Variants in DOCK4 observed in about 807,000 individuals in gnomAD.
DOCK4 encodes the protein dedicator of cytokinesis protein 4.
In DOCK4, 97 loss-of-function variants were observed where a neutral mutation model predicts 268.1. The ratio of observed to expected loss-of-function variants is 0.36; its 90% CI spans 0.31 to 0.43. DOCK4 has a LOEUF of 0.43. Among genes scored for constraint, DOCK4 ranks in the 20% least tolerant of loss-of-function variants. DOCK4 has a pLI of 1.00. For synonymous variants in DOCK4, 954 were observed against 887.2 expected, an observed-to-expected ratio of 1.08 and a Z score of -1.34; for missense variants, 2,145 against 2,455.7, an observed-to-expected ratio of 0.87 and a Z score of 2.67.
intron 8 of DOCK4, among the ~76,000 whole-genome samples, chr7:111,976,218 G>A (rs1798173264): frequency 9.5e-6 from 1 of 105,446 alleles, no homozygotes; most frequent in Non-Finnish European, 1.9e-5. Context: ...GTGTGTGTGT[G>A]TGTGCGTGTG....
chr7:111,732,657 G>T, intron 51 of DOCK4: 1 of 213,754 alleles, frequency 4.7e-6, no homozygotes, highest in South Asian at 8.5e-5. Context: ...AGCAGTTCTT[G>T]GGGAACAGCT....
chr7:111,759,382 A>C (rs1585896685), intron 40 of DOCK4, among the ~76,000 whole-genome samples: 1 of 152,186 alleles, frequency 6.6e-6, no homozygotes, highest in South Asian at 2.1e-4. Flanking sequence ...ATATTTTTAA[A>C]AATTACATTA....
intron 7 of DOCK4, among the ~76,000 whole-genome samples, chr7:111,979,573 C>A (rs772133108): frequency 6.6e-6 from 1 of 151,882 alleles, no homozygotes; most frequent in South Asian, 2.1e-4. Context: ...CCCTCCACCC[C>A]GCCAGAACTG....
At chr7:112,088,466 C>T (rs1157892094) in intron 1 of DOCK4, among the ~76,000 whole-genome samples, 1 of 152,094 alleles carries the variant, frequency 6.6e-6, no homozygotes, top group Non-Finnish European at 1.5e-5. Flanking sequence ...TATATACATA[C>T]ACATAGAAAC....
At chr7:112,079,491 C>T (rs1201109473) in intron 1 of DOCK4, among the ~76,000 whole-genome samples, 1 of 152,150 alleles carries the variant, frequency 6.6e-6, no homozygotes, top group Non-Finnish European at 1.5e-5. Context: ...ATTATATGAT[C>T]TATGAAGTAT....
intron 23 of DOCK4, among the ~76,000 whole-genome samples, chr7:111,854,521 G>A (rs1466179206): frequency 6.6e-6 from 1 of 152,144 alleles, no homozygotes; most frequent in Admixed American, 6.5e-5. Context: ...TCTTTAACTC[G>A]GTGTCTGAGG....
chr7:112,057,844 TA>T (rs1237201253), intron 1 of DOCK4, among the ~76,000 whole-genome samples: 1 of 151,744 alleles, frequency 6.6e-6, no homozygotes, highest in Non-Finnish European at 1.5e-5. Context: ...TAAAAGTACA[TA>T]ATCATATTTA....
chr7:111,887,284 A>G lies in DOCK4; in HGVS notation c.1587+8328T>C, dbSNP rs546068120. Among the ~76,000 whole-genome samples the G allele has an allele frequency of 6.7e-4, 102 of 152,192 alleles. 1 individual carries two copies. Among genetic ancestry groups the G allele is most frequent in the Non-Finnish European group, 1.3e-3 (87 of 68,030 alleles). On this transcript the variant is annotated intron_variant, in intron 16 of 52. Coordinates refer to ENST00000428084, the MANE Select transcript of DOCK4 (RefSeq NM_001363540.2). Reference sequence around the variant, plus strand: ...GTGTGCAGTGTCTTTGGGAAGACCAACTGAAGATGTTCAGTAGGCTGGTAA... The same window carrying G: ...GTGTGCAGTGTCTTTGGGAAGACCAGCTGAAGATGTTCAGTAGGCTGGTAA...
intron 1 of DOCK4, among the ~76,000 whole-genome samples, chr7:112,074,292 T>G (rs936085715): frequency 6.6e-6 from 1 of 152,186 alleles, no homozygotes; most frequent in Non-Finnish European, 1.5e-5. Flanking sequence ...ACAGGTTAGA[T>G]TTTTTACTGT....
chr7:112,132,776 C>T (rs1445316484), intron 1 of DOCK4, among the ~76,000 whole-genome samples: 1 of 152,170 alleles, frequency 6.6e-6, no homozygotes, highest in Non-Finnish European at 1.5e-5. Context: ...GGGCAGAATA[C>T]TCTCTGGCCT....
chr7:111,728,954 G>C (rs973922516), intron 52 of DOCK4, among the ~76,000 whole-genome samples: 3 of 152,182 alleles, frequency 2.0e-5, no homozygotes, highest in Non-Finnish European at 4.4e-5. Context: ...GGAGACGTCA[G>C]GAATGCGACA....
chr7:112,074,139 G>A (rs897555172), intron 1 of DOCK4, among the ~76,000 whole-genome samples: 1 of 152,074 alleles, frequency 6.6e-6, no homozygotes, highest in Non-Finnish European at 1.5e-5. Flanking sequence ...TGACTTTCAC[G>A]TTAAAAATAA....
chr7:112,098,880 T>C (rs1052795356), intron 1 of DOCK4, among the ~76,000 whole-genome samples: 2 of 151,942 alleles, frequency 1.3e-5, no homozygotes, highest in African/African-American at 4.8e-5. Context: ...AATGAACATA[T>C]ACTGATTTTT....
chr7:111,844,933 G>T lies in DOCK4; in HGVS notation c.2602-36C>A, dbSNP rs756372174. 1.9e-6 allele frequency: 3 copies of T among 1,580,154 alleles called. No individual in the cohort carries two copies. The Middle Eastern group carries it at 5.6e-4, about 293-fold the overall frequency. On this transcript the variant is annotated intron_variant, in intron 24 of 52. Coordinates refer to ENST00000428084, the MANE Select transcript of DOCK4 (RefSeq NM_001363540.2). ...AAAAAATAATATGTTCAGGAAACTG[G>T]GGTTTAACATGCATTTCAATCTAAC...
intron 30 of DOCK4, among the ~76,000 whole-genome samples, chr7:111,803,512 T>G (rs762246043): frequency 6.6e-6 from 1 of 152,212 alleles, no homozygotes; most frequent in South Asian, 2.1e-4. Context: ...TAGGGAAGTA[T>G]TGATTTTTTT....
chr7:111,880,016 T>C (rs935618205), intron 16 of DOCK4, among the ~76,000 whole-genome samples: 1 of 152,196 alleles, frequency 6.6e-6, no homozygotes, highest in Admixed American at 6.5e-5. Context: ...AAAGTTTCTT[T>C]GAAGGGATAA....
chr7:111,742,527 T>TA (rs1435506514), intron 44 of DOCK4, among the ~76,000 whole-genome samples: 4 of 142,348 alleles, frequency 2.8e-5, no homozygotes, highest in African/African-American at 5.3e-5. Context: ...AATTCTCCCT[T>TA]AAAGATCTCT....
Position 111,735,072 on chromosome 7 carries a change from G to T in DOCK4, c.5401C>A (p.Pro1801Thr), listed in dbSNP as rs368222477. 7 of 1,594,916 alleles carry T rather than the reference G, an allele frequency of 4.4e-6. No homozygotes were observed. The highest frequency in any genetic ancestry group is 6.0e-6 in the Non-Finnish European group (7 of 1,170,226). ...TACCCACCAGTCTGTGTGGGTCTTG[G>T]AGGGACAGGGGGAGAGATAAGTTTC... ...SGKLISPPVP[P>T]RPTQTASPAR... The change falls in exon 51 of 53, where the codon CCA becomes ACA. Residue 1801 changes from proline (P) to threonine (T), a missense_variant. By Grantham distance (38) the Pro-to-Thr change is conservative. Around this residue, in one of 2 missense-constraint regions of DOCK4, gnomAD observed 547 missense variants for 469.0 expected, o/e 1.17. Coordinates refer to ENST00000428084, the MANE Select transcript of DOCK4 (RefSeq NM_001363540.2).
chr7:111,991,961 C>CAAAAAAAAAAAA (rs60667093), intron 5 of DOCK4, among the ~76,000 whole-genome samples: 5 of 50,918 alleles, frequency 9.8e-5, no homozygotes, highest in East Asian at 7.2e-4. Context: ...ACTCTGTCTC[C>CAAAAAAAAAAAA]AAAAAAAAAA....
Sources: gnomAD v4.1 joint callset for allele counts (sites outside exome capture counted in the v4.1 genomes callset) on GRCh38, gnomAD v4.1.1 for gene constraint, gnomAD v4.1.1 regional missense constraint, MANE v1.5 for transcripts, NCBI Gene and HGNC (gene_info 2026-07-23, HGNC 2026-07-21) for gene names.